Variants in FRMD3 observed in about 807,000 individuals in gnomAD.
The protein encoded by FRMD3 is FERM domain containing 3.
FRMD3 carries 33 observed loss-of-function variants against 70.2 expected under a neutral mutation model. The ratio of observed to expected loss-of-function variants is 0.47; its 90% confidence interval spans 0.36 to 0.63. FRMD3 has a LOEUF of 0.63. FRMD3 is among the 20% of genes least tolerant of loss of function. FRMD3 has a pLI of 0.00. For synonymous variants in FRMD3, 279 were observed against 255.9 expected, an observed-to-expected ratio of 1.09 and a Z score of -0.86; for missense variants, 632 against 711.4, an observed-to-expected ratio of 0.89 and a Z score of 1.27.
At chr9:83,361,355 G>A (rs1355982732) in intron 3 of FRMD3, among the ~76,000 whole-genome samples, 1 of 152,212 alleles carries the variant, frequency 6.6e-6, no homozygotes, top group Non-Finnish European at 1.5e-5. Context: ...CATGGAACAG[G>A]TGAAGAAATT....
intron 1 of FRMD3, among the ~76,000 whole-genome samples, chr9:83,531,149 G>C (rs936300123): frequency 2.5e-4 from 38 of 152,232 alleles, no homozygotes; most frequent in South Asian, 1.0e-3. Context: ...TCTGAGGATA[G>C]AGCCATCCCA....
chr9:83,334,126 C>G (rs986116935), intron 6 of FRMD3, among the ~76,000 whole-genome samples: 2 of 152,066 alleles, frequency 1.3e-5, no homozygotes, highest in Non-Finnish European at 2.9e-5. Context: ...CCTGTGCTCC[C>G]CGGAACACTG....
chr9:83,389,789 G>A (rs1011334686), intron 1 of FRMD3, 81 bp from the exon 2 acceptor site: 1 of 929,962 alleles, frequency 1.1e-6, no homozygotes, highest in African/African-American at 1.6e-5. Context: ...TCACCACCAT[G>A]GGTCTATGTT....
intron 1 of FRMD3, among the ~76,000 whole-genome samples, chr9:83,466,801 A>AGGTCATGTGTGGGAGGTTAAC (rs1828139487): frequency 6.6e-6 from 1 of 152,210 alleles, no homozygotes; most frequent in Non-Finnish European, 1.5e-5. Flanking sequence ...ACCTGTGTAT[A>AGGTCATGTGTGGGAGGTTAAC]GGTCATGTGT....
At chr9:83,422,107 C>T (rs1826662696) in intron 1 of FRMD3, among the ~76,000 whole-genome samples, 2 of 152,140 alleles carry the variant, frequency 1.3e-5, no homozygotes, top group African/African-American at 4.8e-5. Flanking sequence ...TGCCTGTAAT[C>T]CCAGCTACTC....
intron 1 of FRMD3, among the ~76,000 whole-genome samples, chr9:83,494,321 G>A (rs1261224090): frequency 1.3e-5 from 2 of 152,172 alleles, no homozygotes; most frequent in African/African-American, 2.4e-5. Context: ...CTAAGATAGT[G>A]AATACTCAGA....
chr9:83,414,749 A>G (rs1826382221), intron 1 of FRMD3, among the ~76,000 whole-genome samples: 1 of 152,208 alleles, frequency 6.6e-6, no homozygotes, highest in Non-Finnish European at 1.5e-5. Context: ...TACTACACAA[A>G]TATCATGGTC....
In FRMD3 at chr9:83,248,196, G is replaced by T; in HGVS notation, c.1516C>A (p.Arg506Ser). 1.2e-6 allele frequency: 2 copies of T among 1,614,166 alleles called. No individual in the cohort carries two copies. The highest frequency in any genetic ancestry group is 1.7e-6 in the Non-Finnish European group (2 of 1,180,032). Residue 506 changes from arginine to serine, a missense_variant, in exon 14 of 14, where the codon CGT becomes AGT. By Grantham distance (110) the Arg-to-Ser change is moderately radical (BLOSUM62 -1). This residue lies in a region of FRMD3 where 418 missense variants were observed against 442.1 expected (regional missense o/e 0.95). Coordinates refer to ENST00000304195, the MANE Select transcript of FRMD3 (RefSeq NM_174938.6). ...ATGTCATAGCTCCACGACAAAGCAC[G>T]GCGAGCCTCCTTCAGCTCCTCTTCT... ...AEEEELKEAR[R>S]ALSWSYDILT...
intron 1 of FRMD3, among the ~76,000 whole-genome samples, chr9:83,460,009 G>A (rs1452376927): frequency 6.6e-6 from 1 of 152,170 alleles, no homozygotes; most frequent in Non-Finnish European, 1.5e-5. Flanking sequence ...ATTCCATCGG[G>A]CAGGGCCCCA....
the FRMD3 span, among the ~76,000 whole-genome samples, chr9:83,580,199 T>C: frequency 6.6e-6 from 1 of 152,036 alleles, no homozygotes; most frequent in Non-Finnish European, 1.5e-5. Flanking sequence ...TAAATTGGTA[T>C]AGCCATCATG....
At chr9:83,382,663 C>T (rs919069460) in intron 2 of FRMD3, among the ~76,000 whole-genome samples, 6 of 152,132 alleles carry the variant, frequency 3.9e-5, no homozygotes, top group Admixed American at 2.0e-4. Flanking sequence ...CTGCTTGGAA[C>T]TGCAGCTCAC....
chr9:83,441,952 G>A (rs1827310219), intron 1 of FRMD3, among the ~76,000 whole-genome samples: 2 of 152,160 alleles, frequency 1.3e-5, no homozygotes, highest in Admixed American at 1.3e-4. Context: ...AAATATGTCG[G>A]ACTACTGAAT....
At position 83,349,713 on chromosome 9, in the gene FRMD3, G is replaced by T; in HGVS notation, c.340C>A (p.His114Asn). ...TCTTCTTTAATCTTCAAGGGTTCAT[G>T]TGGGTAGAATTTCACTCTAAAGCAC... Reference protein sequence around the residue: ...TMCFRVKFYPHEPLKIKEELT... With the variant: ...TMCFRVKFYPNEPLKIKEELT... Residue 114 changes from histidine (H) to asparagine (N), a missense_variant, in exon 4 of 14, where the codon CAT (histidine) becomes AAT (asparagine). His to Asn is a moderately conservative substitution (Grantham distance 68). This residue lies in a region of FRMD3 where 208 missense variants were observed against 247.7 expected (regional missense o/e 0.84). Transcript: ENST00000304195. 1 of 1,612,412 alleles carries T rather than the reference G, an allele frequency of 6.2e-7. No individual in the cohort carries two copies. Among genetic ancestry groups the T allele is most frequent in the South Asian group, 1.1e-5 (1 of 90,732 alleles).
intron 1 of FRMD3, among the ~76,000 whole-genome samples, chr9:83,437,269 C>T (rs980162342): frequency 1.3e-5 from 2 of 152,196 alleles, no homozygotes; most frequent in Non-Finnish European, 2.9e-5. Flanking sequence ...GGCAACTCAA[C>T]ATTTATGGTT....
chr9:83,512,462 C>T (rs1829359196), intron 1 of FRMD3, among the ~76,000 whole-genome samples: 1 of 152,188 alleles, frequency 6.6e-6, no homozygotes, highest in South Asian at 2.1e-4. Context: ...AGAGAAGACT[C>T]ACATAGTGTG....
chr9:83,321,031 T>C (rs1214595983), intron 6 of FRMD3, among the ~76,000 whole-genome samples: 1 of 152,188 alleles, frequency 6.6e-6, no homozygotes, highest in Admixed American at 6.5e-5. Flanking sequence ...TCAGTTGTAA[T>C]GTCTCCTTTT....
chr9:83,383,549 C>G (rs1825422049), intron 2 of FRMD3, among the ~76,000 whole-genome samples: 1 of 152,196 alleles, frequency 6.6e-6, no homozygotes, highest in African/African-American at 2.4e-5. Context: ...ACTTCCAAAC[C>G]TGCTGGTCTC....
intron 2 of FRMD3, among the ~76,000 whole-genome samples, chr9:83,385,448 C>T (rs1444297537): frequency 6.6e-6 from 1 of 152,164 alleles, no homozygotes; most frequent in Non-Finnish European, 1.5e-5. Context: ...CCCTGGACAT[C>T]AAAATAGCAA....
chr9:83,537,131 C>T lies in FRMD3; in HGVS notation c.147+954G>A, dbSNP rs528751871. Among the ~76,000 whole-genome samples the T allele has an allele frequency of 6.6e-5, 10 of 152,164 alleles. No individual in the cohort carries two copies. The highest frequency in any genetic ancestry group is 3.4e-3 in the Middle Eastern group (1 of 294). On this transcript the variant is annotated intron_variant, in intron 1 of 13. Coordinates refer to ENST00000304195, the MANE Select transcript of FRMD3 (RefSeq NM_174938.6). The surrounding 1 kb of genome is among the most constrained non-coding windows in gnomAD (Gnocchi z 4.1). ...GGGGTCCTGGAAGAGGGGCTCCCACCTGCCTACATATTCACCCACAGCAAA... is the reference window on the plus strand; with the variant it reads ...GGGGTCCTGGAAGAGGGGCTCCCACTTGCCTACATATTCACCCACAGCAAA...
Sources: gnomAD v4.1 joint callset for allele counts (sites outside exome capture counted in the v4.1 genomes callset) on GRCh38, gnomAD v4.1.1 for gene constraint, gnomAD v4.1.1 regional missense constraint, Gnocchi (gnomAD v3.1) non-coding constraint, MANE v1.5 for transcripts, NCBI Gene and HGNC (gene_info 2026-07-23, HGNC 2026-07-21) for gene names.